Variants in CYP4Z1 observed in about 807,000 individuals in gnomAD.
CYP4Z1 encodes the protein cytochrome P450 4Z1.
Under a neutral mutation model 54.2 loss-of-function variants are expected in CYP4Z1, and 41 were observed. The observed-to-expected ratio is 0.76, with a 90% confidence interval of 0.59 to 0.98. CYP4Z1 has a LOEUF of 0.98. Among genes scored for constraint, CYP4Z1 ranks in the 50% least tolerant of loss-of-function variants. CYP4Z1 has a pLI of 0.00. For missense variants in CYP4Z1, 513 were observed against 599.0 expected (o/e 0.86, Z 1.50); for synonymous variants, 163 against 206.2 (o/e 0.79, Z 1.79).
intron 8 of CYP4Z1, among the ~76,000 whole-genome samples, chr1:47,103,595 C>CTTTTTTTTTTTTTTTTTTTTTTT (rs373166937): frequency 2.1e-4 from 20 of 96,012 alleles, no homozygotes; most frequent in Non-Finnish European, 3.2e-4. Context: ...TCTTTTTTTT[C>CTTTTTTTTTTTTTTTTTTTTTTT]TTTTTTTTTT....
At chr1:47,103,103 T>G (rs1644731840) in intron 8 of CYP4Z1, among the ~76,000 whole-genome samples, 2 of 151,992 alleles carry the variant, frequency 1.3e-5, no homozygotes, top group African/African-American at 4.8e-5. Context: ...TTCTGCTTGA[T>G]CTACTCTAAT....
intron 2 of CYP4Z1, among the ~76,000 whole-genome samples, chr1:47,078,648 G>C (rs1644542532): frequency 7.7e-6 from 1 of 129,714 alleles, no homozygotes; most frequent in Non-Finnish European, 1.6e-5. Context: ...TAAATGTTAT[G>C]TAAGAAAAAA....
At position 47,067,634 on chromosome 1, in the gene CYP4Z1, A is replaced by AC. The variant is rs1399515882; in HGVS notation, c.149dup (p.Ala51CysfsTer17). 2 of 1,610,968 alleles carry AC rather than the reference A, an allele frequency of 1.2e-6. No homozygotes were observed. The highest frequency in any genetic ancestry group is 2.2e-5 in the East Asian group (1 of 44,790). Reference sequence around the variant, plus strand: ...TCAGAGCCCTGCACCTGTTTCCTGCACCCCCTGCCCACTGGTTCTATGGCC... The same window carrying AC: ...TCAGAGCCCTGCACCTGTTTCCTGCACCCCCCTGCCCACTGGTTCTATGGCC... On this transcript the variant is annotated frameshift_variant, in exon 1 of 12. Coordinates refer to ENST00000334194, the MANE Select transcript of CYP4Z1 (RefSeq NM_178134.3). LOFTEE classifies it high-confidence loss of function.
At chr1:47,088,424 GA>G (rs1261214150) in intron 6 of CYP4Z1, among the ~76,000 whole-genome samples, 1 of 152,138 alleles carries the variant, frequency 6.6e-6, no homozygotes, top group South Asian at 2.1e-4. Flanking sequence ...TTAGTCTTGG[GA>G]GGGTGTATGC....
At chr1:47,059,759 G>A in the CYP4Z1 span, among the ~76,000 whole-genome samples, 1 of 152,158 alleles carries the variant, frequency 6.6e-6, no homozygotes, top group Non-Finnish European at 1.5e-5. Context: ...AGAAGGCTGG[G>A]CTGTTTCCTA....
chr1:47,086,246 C>T (rs917853189), intron 6 of CYP4Z1, among the ~76,000 whole-genome samples: 1 of 152,168 alleles, frequency 6.6e-6, no homozygotes, highest in Non-Finnish European at 1.5e-5. Context: ...ATTTCTACTT[C>T]TAGATCCTTG....
chr1:47,115,067 C>T (rs1179960441), intron 9 of CYP4Z1, among the ~76,000 whole-genome samples: 1 of 152,146 alleles, frequency 6.6e-6, no homozygotes, highest in Non-Finnish European at 1.5e-5. Context: ...CAATGATAGA[C>T]TGGATTAAGA....
intron 9 of CYP4Z1, among the ~76,000 whole-genome samples, chr1:47,110,931 T>C (rs1644788214): frequency 6.6e-6 from 1 of 151,610 alleles, no homozygotes; most frequent in Non-Finnish European, 1.5e-5. Flanking sequence ...TGTGGATTAA[T>C]CACTTAGGAA....
intron 9 of CYP4Z1, among the ~76,000 whole-genome samples, chr1:47,113,266 T>G (rs1299651074): frequency 2.0e-5 from 3 of 152,194 alleles, no homozygotes; most frequent in African/African-American, 7.2e-5. Flanking sequence ...TGAACATTCT[T>G]CTCTTTACCT....
chr1:47,094,218 A>AT, intron 6 of CYP4Z1, among the ~76,000 whole-genome samples: 1 of 152,320 alleles, frequency 6.6e-6, no homozygotes, highest in Non-Finnish European at 1.5e-5. Context: ...AAGCTCAGCG[A>AT]TTGGTAACAG....
chr1:47,084,081 C>T (rs1240588616), intron 4 of CYP4Z1, among the ~76,000 whole-genome samples: 4 of 151,984 alleles, frequency 2.6e-5, no homozygotes, highest in Non-Finnish European at 5.9e-5. Context: ...GCAGGTATGT[C>T]CAAGGGGGTA....
intron 4 of CYP4Z1, among the ~76,000 whole-genome samples, chr1:47,084,169 CTA>C (rs1276666183): frequency 1.3e-5 from 2 of 152,162 alleles, no homozygotes; most frequent in Non-Finnish European, 2.9e-5. Flanking sequence ...AGAATAAGAA[CTA>C]TCTCTAATTC....
At chr1:47,091,811 T>TAAG (rs985965242) in intron 6 of CYP4Z1, among the ~76,000 whole-genome samples, 1 of 149,722 alleles carries the variant, frequency 6.7e-6, no homozygotes, top group Non-Finnish European at 1.5e-5. Context: ...GTGTAAACAA[T>TAAG]AAGTTCTAAC....
chr1:47,079,452 T>C (rs1370936590), intron 2 of CYP4Z1, among the ~76,000 whole-genome samples: 2 of 152,188 alleles, frequency 1.3e-5, no homozygotes, highest in Non-Finnish European at 2.9e-5. Context: ...CCACCATTTT[T>C]CCTGATGTCA....
At chr1:47,105,348 G>C (rs541976521) in intron 8 of CYP4Z1, among the ~76,000 whole-genome samples, 152 of 152,250 alleles carry the variant, frequency 1.0e-3, no homozygotes, top group African/African-American at 3.4e-3. Context: ...TCAGGGGTTT[G>C]TGGGACCCAG....
At chr1:47,096,646 T>C (rs1414153469) in intron 7 of CYP4Z1, 1 of 150,946 alleles carries the variant, frequency 6.6e-6, no homozygotes, top group Admixed American at 6.6e-5. Context: ...TTTTTTTTTT[T>C]TTAATGGAGC....
the CYP4Z1 span, among the ~76,000 whole-genome samples, chr1:47,059,771 G>A: frequency 6.6e-6 from 1 of 152,274 alleles, no homozygotes; most frequent in Non-Finnish European, 1.5e-5. Context: ...TGTTTCCTAA[G>A]CATCCCCTGG....
At chr1:47,093,493 G>A (rs1472227039) in intron 6 of CYP4Z1, among the ~76,000 whole-genome samples, 2 of 152,164 alleles carry the variant, frequency 1.3e-5, no homozygotes, top group Non-Finnish European at 2.9e-5. Flanking sequence ...TGTCATTTTT[G>A]GGCAAGCCTC....
intron 7 of CYP4Z1, among the ~76,000 whole-genome samples, chr1:47,095,519 A>G (rs962477690): frequency 2.2e-4 from 33 of 152,324 alleles, no homozygotes; most frequent in African/African-American, 6.7e-4. Flanking sequence ...ATTAGATTAT[A>G]TGTGTAAAGA....
Sources: allele counts gnomAD v4.1 joint callset (sites outside exome capture counted in the v4.1 genomes callset), GRCh38; gene constraint gnomAD v4.1.1; transcripts MANE v1.5; gene names NCBI Gene and HGNC (gene_info 2026-07-23, HGNC 2026-07-21).